The following SPATA31H1 variants were observed in gnomAD, a reference collection of about 807,000 sequenced individuals.
The protein encoded by SPATA31H1 is spermatogenesis-associated protein 31H1.
chr2:27,575,216 T>C, the SPATA31H1 span: 2 of 398,574 alleles, frequency 5.0e-6, no homozygotes, highest in East Asian at 3.6e-5. The surrounding 1 kb of genome is among the most constrained non-coding windows in gnomAD (Gnocchi z 4.1). Context: ...CAAAACTCTC[T>C]AAGTTGGCCT....
the SPATA31H1 span, chr2:27,578,389 T>C: frequency 2.5e-6 from 4 of 1,614,136 alleles, no homozygotes; most frequent in Non-Finnish European, 3.4e-6. Flanking sequence ...TCTGAGGAGT[T>C]AGCACCAGGA....
chr2:27,574,112 T>C, the SPATA31H1 span: 1 of 398,524 alleles, frequency 2.5e-6, no homozygotes, highest in Non-Finnish European at 4.4e-6. Flanking sequence ...ACTTCAAACC[T>C]GGGCCACAGT....
chr2:27,582,662 G>T, the SPATA31H1 span: 1 of 850,638 alleles, frequency 1.2e-6, no homozygotes, highest in Non-Finnish European at 1.8e-6. Context: ...CTCTACCGGG[G>T]GGGAGGCGGG....
the SPATA31H1 span, chr2:27,568,479 C>T: frequency 7.5e-6 from 3 of 399,022 alleles, 1 homozygote; most frequent in East Asian, 7.1e-5. Flanking sequence ...GAAAGGAATT[C>T]CAGTGGCACT....
chr2:27,568,403 A>T, the SPATA31H1 span: 1 of 398,922 alleles, frequency 2.5e-6, no homozygotes, highest in Non-Finnish European at 4.4e-6. Flanking sequence ...CTCCAGGGCT[A>T]ATATGTCAAG....
chr2:27,573,880 A>G, the SPATA31H1 span: 8 of 398,432 alleles, frequency 2.0e-5, no homozygotes, highest in African/African-American at 1.6e-4. Flanking sequence ...TTGAAAAGCA[A>G]GAAATCATCT....
the SPATA31H1 span, chr2:27,578,289 A>G: frequency 1.9e-6 from 3 of 1,614,180 alleles, no homozygotes; most frequent in South Asian, 3.3e-5. Context: ...CACAAAGCCA[A>G]AACACCAGAT....
chr2:27,537,603 G>T, the SPATA31H1 span: 1 of 713,164 alleles, frequency 1.4e-6, no homozygotes, highest in South Asian at 1.5e-5. Flanking sequence ...GAAACTAACT[G>T]GTCCCGCTCC....
At chr2:27,569,170 A>C in the SPATA31H1 span, 1 of 398,886 alleles carries the variant, frequency 2.5e-6, no homozygotes, top group Non-Finnish European at 4.4e-6. Flanking sequence ...CCAGTATCAC[A>C]ACACACAACA....
chr2:27,578,771 A>G, the SPATA31H1 span: 1 of 1,614,160 alleles, frequency 6.2e-7, no homozygotes, highest in Non-Finnish European at 8.5e-7. Flanking sequence ...GGTTCCTACA[A>G]AGCTCTTCAA....
the SPATA31H1 span, among the ~76,000 whole-genome samples, chr2:27,551,202 A>G: frequency 6.6e-6 from 1 of 151,846 alleles, no homozygotes; most frequent in Non-Finnish European, 1.5e-5. Flanking sequence ...TGCTTTTCAT[A>G]TATTATTGGA....
At chr2:27,580,128 A>C in the SPATA31H1 span, 5 of 1,614,220 alleles carry the variant, frequency 3.1e-6, no homozygotes, top group Admixed American at 8.3e-5. Flanking sequence ...TGAAAGAGAT[A>C]GACCCGTCAT....
the SPATA31H1 span, chr2:27,582,134 C>T: frequency 6.2e-7 from 1 of 1,613,936 alleles, no homozygotes; most frequent in South Asian, 1.1e-5. Flanking sequence ...AGAGCCACCT[C>T]AGTCCCTTGG....
the SPATA31H1 span, chr2:27,566,522 C>A: frequency 3.2e-6 from 2 of 623,048 alleles, no homozygotes; most frequent in Non-Finnish European, 5.8e-6. Flanking sequence ...TGGGTTCAAA[C>A]TGGTGGAAGG....
At chr2:27,566,842 A>C in the SPATA31H1 span, 1 of 717,752 alleles carries the variant, frequency 1.4e-6, no homozygotes, top group East Asian at 2.7e-5. Context: ...TGTGACTATA[A>C]GAAAGCAAAA....
chr2:27,579,305 A>G, the SPATA31H1 span: 1 of 1,614,200 alleles, frequency 6.2e-7, no homozygotes, highest in Non-Finnish European at 8.5e-7. Flanking sequence ...GTTCTCAAAC[A>G]TCTTTAGCAG....
At chr2:27,577,984 T>C in the SPATA31H1 span, 4 of 1,614,092 alleles carry the variant, frequency 2.5e-6, no homozygotes, top group East Asian at 4.5e-5. The surrounding 1 kb of genome is among the most constrained non-coding windows in gnomAD (Gnocchi z 4.5). Flanking sequence ...CTGGGTCGAA[T>C]TGTAGAATTT....
the SPATA31H1 span, among the ~76,000 whole-genome samples, chr2:27,541,767 A>G: frequency 6.6e-6 from 1 of 151,974 alleles, no homozygotes; most frequent in Non-Finnish European, 1.5e-5. Flanking sequence ...TCTGCTAATC[A>G]TATGTGACCA....
the SPATA31H1 span, chr2:27,537,634 T>C: frequency 1.4e-6 from 1 of 691,088 alleles, no homozygotes. Context: ...GAAACTGCCA[T>C]ACTTTGGGCC....
Sources: allele counts gnomAD v4.1 joint callset (sites outside exome capture counted in the v4.1 genomes callset), GRCh38; gene constraint gnomAD v4.1.1; non-coding constraint Gnocchi (gnomAD v3.1); transcripts MANE v1.5; gene names NCBI Gene and HGNC (gene_info 2026-07-23, HGNC 2026-07-21).